The following MMP7 variants were observed in gnomAD, a reference collection of about 807,000 sequenced individuals.
MMP7 encodes the protein matrilysin.
In MMP7, 26 loss-of-function variants were observed where a neutral mutation model predicts 31.5. The observed-to-expected ratio is 0.83, with a 90% CI of 0.61 to 1.15. The LOEUF is 1.15. MMP7 is among the 50% of genes most tolerant of loss of function. The pLI is 0.00. For synonymous variants in MMP7, 142 were observed against 124.2 expected (o/e 1.14, Z -0.95); for missense variants, 367 against 326.5 (o/e 1.12, Z -0.96).
chr11:102,525,823 T>G (rs556998075), intron 3 of MMP7, among the ~76,000 whole-genome samples: 1 of 151,306 alleles, frequency 6.6e-6, no homozygotes, highest in African/African-American at 2.4e-5. Flanking sequence ...GTAAATAGTC[T>G]CTTAGAGAGC....
intron 1 of MMP7, among the ~76,000 whole-genome samples, chr11:102,530,126 A>G (rs1055755134): frequency 1.3e-5 from 2 of 152,244 alleles, no homozygotes; most frequent in African/African-American, 4.8e-5. Context: ...CATTACAAAC[A>G]GTATTGTAAA....
chr11:102,524,781 A>G (rs1304412245), intron 4 of MMP7, 155 bp downstream of exon 4: 2 of 740,402 alleles, frequency 2.7e-6, no homozygotes, highest in Non-Finnish European at 3.9e-6. Flanking sequence ...CATTATGAGT[A>G]TATTACATGA....
At chr11:102,524,665 G>A (rs1257043804) in intron 4 of MMP7, 1 of 218,572 alleles carries the variant, frequency 4.6e-6, no homozygotes, top group East Asian at 9.8e-5. Context: ...GAGGCTCAGA[G>A]AAATTCAATA....
In MMP7 at chr11:102,527,524, C is replaced by T. The variant is rs1041721515; in HGVS notation, c.484G>A (p.Ala162Thr). 2 of 1,614,134 alleles carry T rather than the reference C, an allele frequency of 1.2e-6. No individual in the cohort carries two copies. The highest frequency in any genetic ancestry group is 1.7e-6 in the Non-Finnish European group (2 of 1,179,998). Reference protein sequence around the residue: ...ADIMIGFARGAHGDSYPFDGP... With the variant: ...ADIMIGFARGTHGDSYPFDGP... The stretch of plus-strand genomic sequence containing the variant: ...ATTAGCCTACAGGAATCTTTCTTAC[C>T]TCCTCGCGCAAAGCCAATCATGATG... The change falls in exon 3 of 6, where the codon GCT (alanine) becomes ACT (threonine). Residue 162 changes from alanine to threonine, a missense_variant and splice_region_variant. Transcript: ENST00000260227.
Position 102,521,406 on chromosome 11 carries a change from C to T in MMP7, c.776-602G>A, listed in dbSNP as rs17883583. On this transcript the variant is annotated intron_variant, in intron 5 of 5. Transcript: ENST00000260227. ...AGACATGGGGTTTTACCATGTTGTCCAGGTCTCGAGCTCCTGGCCTCAAGC... is the reference window on the plus strand; with the variant it reads ...AGACATGGGGTTTTACCATGTTGTCTAGGTCTCGAGCTCCTGGCCTCAAGC... Among the ~76,000 whole-genome samples the T allele has an allele frequency of 3.2e-3, 486 of 152,280 alleles. 3 individuals carry two copies. Among genetic ancestry groups the T allele is most frequent in the African/African-American group, 0.011 (466 of 41,560 alleles).
chr11:102,526,231 T>TTGA (rs1858670591), intron 3 of MMP7, among the ~76,000 whole-genome samples: 2 of 132,024 alleles, frequency 1.5e-5, no homozygotes, highest in South Asian at 4.8e-4. Flanking sequence ...AAAAAATATA[T>TTGA]ATATATATAT....
intron 5 of MMP7, 59 bp downstream of exon 5, chr11:102,523,181 T>G (rs553908022): frequency 1.5e-6 from 2 of 1,375,016 alleles, no homozygotes; most frequent in South Asian, 2.9e-5. Flanking sequence ...GCCTTTCTTT[T>G]CCTACCCCAC....
rs1334858431 is a variant in MMP7 at position 102,530,650 on chromosome 11, G to T, written c.51C>A (p.Ala17=). The T allele has an allele frequency of 1.2e-6, 2 of 1,613,992 alleles. No individual in the cohort carries two copies. Among genetic ancestry groups the T allele is most frequent in the East Asian group, 2.2e-5 (1 of 44,876 alleles). Residue 17 remains alanine, a synonymous_variant, in exon 1 of 6, where the codon GCC becomes GCA. Transcript: ENST00000260227. ...CAVCLLPGSL[A]LPLPQEAGGM... ...CTCCCGCCTCCTGAGGCAGCGGCAG[G>T]GCCAGGCTGCCAGGCAGCAGGCACA...
chr11:102,525,509 G>A (rs181971736), intron 3 of MMP7, among the ~76,000 whole-genome samples: 75 of 151,176 alleles, frequency 5.0e-4, no homozygotes, highest in Non-Finnish European at 1.5e-4. Flanking sequence ...ATGTGCTGTC[G>A]GTTGCACTCA....
chr11:102,522,497 A>G (rs1356709017), intron 5 of MMP7, among the ~76,000 whole-genome samples: 1 of 152,264 alleles, frequency 6.6e-6, no homozygotes, highest in Non-Finnish European at 1.5e-5. Context: ...GTATGAAGTC[A>G]CATAGCCCTC....
Position 102,526,240 on chromosome 11 carries a change from A to ATTT in MMP7, c.485-1179_485-1177dup, listed in dbSNP as rs762318650. ...AAAAAAAAAAAATATATATATATAT[A>ATTT]TTTTTTTTTTTTCTTTTGAGACATA... On this transcript the variant is annotated intron_variant, in intron 3 of 5. Transcript: ENST00000260227. Among the ~76,000 whole-genome samples, 315 of 131,466 alleles carry ATTT rather than the reference A, an allele frequency of 2.4e-3. 2 individuals are homozygous for ATTT. The highest frequency in any genetic ancestry group is 4.2e-3 in the African/African-American group (144 of 34,678). The allele number at this position is 131,466 out of a possible 152,430, so 86.2% of individuals were successfully genotyped here.
At chr11:102,523,104 T>C in intron 5 of MMP7, 136 bp downstream of exon 5, 1 of 575,250 alleles carries the variant, frequency 1.7e-6, no homozygotes. Context: ...GGTCCCCAAT[T>C]CCTCCCCTCA....
At chr11:102,528,087 G>T in intron 1 of MMP7, 104 bp from the exon 2 acceptor site, 2 of 800,976 alleles carry the variant, frequency 2.5e-6, no homozygotes, top group African/African-American at 1.7e-5. Flanking sequence ...TTCAAATAAT[G>T]ATTTGAAGAC....
At chr11:102,526,229 T>A (rs1324313212) in intron 3 of MMP7, among the ~76,000 whole-genome samples, 1 of 128,992 alleles carries the variant, frequency 7.8e-6, no homozygotes. Flanking sequence ...AAAAAAAATA[T>A]ATATATATAT....
chr11:102,528,014 T>G (rs1396159772), intron 1 of MMP7, 31 bp from the exon 2 acceptor site: 2 of 1,486,424 alleles, frequency 1.3e-6, no homozygotes, highest in East Asian at 4.6e-5. Flanking sequence ...AATCTATAGT[T>G]CTTGTTTATT....
At chr11:102,525,651 G>GTTGCATT (rs1196873602) in intron 3 of MMP7, among the ~76,000 whole-genome samples, 39 of 151,868 alleles carry the variant, frequency 2.6e-4, no homozygotes, top group Non-Finnish European at 4.1e-4. Context: ...CTAACTTAAG[G>GTTGCATT]TTGCATTTAA....
Position 102,527,639 on chromosome 11 carries a change from A to G in MMP7, c.369T>C (p.Ile123=). 1.2e-6 allele frequency: 2 copies of G among 1,614,202 alleles called. No homozygotes were observed. The highest frequency in any genetic ancestry group is 1.1e-5 in the South Asian group (1 of 91,080). ...IVSYTRDLPH[I]TVDRLVSKAL... ...CCTTTGACACTAATCGATCCACTGT[A>G]ATATGCGGTAAGTCTCGAGTATATG... Residue 123 remains isoleucine (I), a synonymous_variant, in exon 3 of 6, where the codon ATT becomes ATC. Transcript: ENST00000260227.
Position 102,523,241 on chromosome 11 carries a change from A to G in MMP7, c.774T>C (p.Tyr258=), listed in dbSNP as rs755348296. ...CTTATTTGAAATAATAAATATTACC[A>G]TATAGTTTCTGAATGCCTTTAATAT... ...QDDIKGIQKL[Y]GKRSNSRKK Residue 258 remains tyrosine, a splice_region_variant and synonymous_variant, in exon 5 of 6, where the codon TAT becomes TAC. Coordinates refer to ENST00000260227, the MANE Select transcript of MMP7 (RefSeq NM_002423.5). 4.4e-6 allele frequency: 7 copies of G among 1,594,522 alleles called. No homozygotes were observed. The highest frequency in any genetic ancestry group is 1.3e-5 in the African/African-American group (1 of 74,312).
In MMP7 at chr11:102,523,354, C is replaced by CCAAAGAATGGCCAAGTT; in HGVS notation, c.644_660dup (p.Gly221AsnfsTer17). On this transcript the variant is annotated frameshift_variant, in exon 5 of 6. Coordinates refer to ENST00000260227, the MANE Select transcript of MMP7 (RefSeq NM_002423.5). LOFTEE classifies it high-confidence loss of function. ...TTAGGATCAGAGGAATGTCCCATAC[C>CCAAAGAATGGCCAAGTT]CAAAGAATGGCCAAGTTCATGAGTT... is the stretch of plus-strand genomic sequence containing the variant. 1.2e-6 allele frequency: 2 copies of CCAAAGAATGGCCAAGTT among 1,611,230 alleles called. No homozygotes were observed. Among genetic ancestry groups the CCAAAGAATGGCCAAGTT allele is most frequent in the African/African-American group, 1.3e-5 (1 of 74,880 alleles).
Sources: allele counts gnomAD v4.1 joint callset (sites outside exome capture counted in the v4.1 genomes callset), GRCh38; gene constraint gnomAD v4.1.1; transcripts MANE v1.5; gene names NCBI Gene and HGNC (gene_info 2026-07-23, HGNC 2026-07-21).